NCOR2: variants seen among roughly 807,000 people sequenced by gnomAD.
The protein encoded by NCOR2 is CTG repeat protein 26.
NCOR2 carries 81 observed loss-of-function variants against 262.9 expected under a neutral mutation model. The observed-to-expected ratio is 0.31, with a 90% confidence interval of 0.26 to 0.37. The LOEUF is 0.37. Ranked by LOEUF, NCOR2 falls within the 10% of genes least tolerant of loss-of-function variation. The pLI is 1.00. For missense variants in NCOR2, 3,385 were observed against 3,621.4 expected, an observed-to-expected ratio of 0.93 and a Z score of 1.68; for synonymous variants, 1,659 against 1,559.3, an observed-to-expected ratio of 1.06 and a Z score of -1.51.
intron 14 of NCOR2, among the ~76,000 whole-genome samples, chr12:124,402,201 G>A (rs186451015): frequency 6.6e-6 from 1 of 152,156 alleles, no homozygotes; most frequent in Non-Finnish European, 1.5e-5. Flanking sequence ...CGGAGGAGAG[G>A]GGGGAGCCAG....
intron 1 of NCOR2, among the ~76,000 whole-genome samples, chr12:124,520,361 A>C (rs2050114176): frequency 6.6e-6 from 1 of 152,174 alleles, no homozygotes; most frequent in Admixed American, 6.5e-5. Context: ...CCCCATGCAA[A>C]CACCACCAGG....
chr12:124,399,771 G>A (rs1156643616), intron 15 of NCOR2, among the ~76,000 whole-genome samples: 4 of 152,176 alleles, frequency 2.6e-5, no homozygotes, highest in African/African-American at 7.2e-5. Context: ...GCAGTGGCTG[G>A]AGGGCTGGAC....
chr12:124,358,255 C>G (rs552624414), intron 22 of NCOR2, among the ~76,000 whole-genome samples: 2 of 143,528 alleles, frequency 1.4e-5, no homozygotes, highest in South Asian at 4.3e-4. Flanking sequence ...TGCCTGTACA[C>G]AATGTTGAAG....
At position 124,426,673 on chromosome 12, in the gene NCOR2, C is replaced by T. The variant is rs970975674; in HGVS notation, c.1277G>A (p.Arg426His). 5 of 1,608,314 alleles carry T rather than the reference C, an allele frequency of 3.1e-6. No homozygotes were observed. The highest frequency in any genetic ancestry group is 1.3e-5 in the African/African-American group (1 of 74,856). The change falls in exon 11 of 47, where the codon CGC becomes CAC. Residue 426 changes from arginine to histidine, a missense_variant. Transcript: ENST00000405201. ...CTCACTCCACATGTTCATGACCTGG[C>T]GGTCTTTGTACACCTTCATGGGGTC...
chr12:124,483,293 C>G lies in NCOR2; in HGVS notation c.411+303G>C, dbSNP rs565567125. ...CACCCCAGGCCCTCCCATCCCAGCT[C>G]TCCCCTCCCTCACGCCAGCTACCCC... On this transcript the variant is annotated intron_variant, in intron 3 of 46. Transcript: ENST00000405201. The surrounding 1 kb of genome is among the most constrained non-coding windows in gnomAD (Gnocchi z 6.3). Among the ~76,000 whole-genome samples the G allele has an allele frequency of 2.4e-4, 37 of 152,256 alleles. No individual in the cohort carries two copies. In the South Asian group the frequency reaches 7.5e-3, roughly 31 times the overall value.
intron 13 of NCOR2, among the ~76,000 whole-genome samples, chr12:124,412,422 T>G (rs140457320): frequency 6.6e-6 from 1 of 152,316 alleles, no homozygotes; most frequent in Non-Finnish European, 1.5e-5. Context: ...CTATGAAGCG[T>G]GGCTTTGCAA....
intron 13 of NCOR2, among the ~76,000 whole-genome samples, chr12:124,403,985 G>A (rs576359121): frequency 1.3e-5 from 2 of 152,256 alleles, no homozygotes; most frequent in South Asian, 2.1e-4. Context: ...CAGACCCCCC[G>A]GCCCCCAGGT....
chr12:124,508,532 G>A (rs1052515913), intron 1 of NCOR2, among the ~76,000 whole-genome samples: 10 of 152,166 alleles, frequency 6.6e-5, no homozygotes, highest in African/African-American at 2.2e-4. Flanking sequence ...CAGGCACCAC[G>A]CCGAGGGGAG....
chr12:124,484,414 T>C (rs2047667644), intron 2 of NCOR2, among the ~76,000 whole-genome samples: 1 of 152,184 alleles, frequency 6.6e-6, no homozygotes, highest in South Asian at 2.1e-4. Context: ...GGCATGGCCT[T>C]GCCTAACTAA....
At chr12:124,339,901 A>ACC in intron 37 of NCOR2, 105 bp downstream of exon 39, 2 of 186,868 alleles carry the variant, frequency 1.1e-5, no homozygotes, top group South Asian at 3.5e-5. Flanking sequence ...CTGCCCACCC[A>ACC]CCCACCTCCC....
rs35831183 is a variant in NCOR2, at chr12:124,402,512, GGCTGCTGCT to G, written c.1523_1531del (p.Gln508_Gln510del). 7,010 of 1,459,206 alleles carry G rather than the reference GGCTGCTGCT, an allele frequency of 4.8e-3. 183 individuals carry two copies. The East Asian group carries it at 0.091, about 19-fold the overall frequency. The allele number at this position is 1,459,206 out of a possible 1,614,324, so 90.4% of individuals were successfully genotyped here. On this transcript the variant is annotated inframe_deletion, in exon 14 of 47. Coordinates refer to ENST00000405201, the Ensembl canonical transcript of NCOR2. The stretch of plus-strand genomic sequence containing the variant: ...CTCCTCCTGGCTGCTGCGGGGCATG[GGCTGCTGCT>G]GCTGCTGCTGCTGCTGCTGCTGCTG...
chr12:124,481,575 A>C lies in NCOR2; in HGVS notation c.411+2021T>G, dbSNP rs1007441902. Among the ~76,000 whole-genome samples the C allele has an allele frequency of 2.0e-5, 3 of 152,188 alleles. No homozygotes were observed. The highest frequency in any genetic ancestry group is 7.2e-5 in the African/African-American group (3 of 41,440). On this transcript the variant is annotated intron_variant, in intron 3 of 46. Transcript: ENST00000405201. This position sits in a 1 kb window ranked among gnomAD's most constrained non-coding sequence, Gnocchi z 4.6. ...CTCCTGCGGAGGGCACAGCCGGTGC[A>C]AAGGTCCCCAGGTGGGAATGTGCCT... is the stretch of plus-strand genomic sequence containing the variant.
At chr12:124,453,717 G>A (rs1197642089) in intron 6 of NCOR2, among the ~76,000 whole-genome samples, 2 of 152,224 alleles carry the variant, frequency 1.3e-5, no homozygotes, top group Non-Finnish European at 2.9e-5. Flanking sequence ...CTTGGAACAG[G>A]AAGGAAGCAA....
chr12:124,547,139 GCCA>G (rs1729961035), intron 1 of NCOR2, among the ~76,000 whole-genome samples: 1 of 151,922 alleles, frequency 6.6e-6, no homozygotes, highest in African/African-American at 2.4e-5. Flanking sequence ...ACAGGCACTC[GCCA>G]CCACGACTGG....
chr12:124,372,844 C>T (rs535294434), intron 19 of NCOR2, among the ~76,000 whole-genome samples: 1 of 152,292 alleles, frequency 6.6e-6, no homozygotes, highest in Admixed American at 6.5e-5. Flanking sequence ...CAGACTGACC[C>T]TGCTGGCATA....
intron 1 of NCOR2, among the ~76,000 whole-genome samples, chr12:124,507,197 G>A (rs2049095074): frequency 1.3e-5 from 2 of 152,172 alleles, no homozygotes; most frequent in South Asian, 2.1e-4. Context: ...GGGCTGGGGA[G>A]AGCGAGGAAG....
chr12:124,451,298 A>C (rs2045516471), intron 6 of NCOR2, among the ~76,000 whole-genome samples: 1 of 152,234 alleles, frequency 6.6e-6, no homozygotes, highest in South Asian at 2.1e-4. Flanking sequence ...GCTGCCTTCC[A>C]GACAGGTGAG....
intron 5 of NCOR2, among the ~76,000 whole-genome samples, chr12:124,461,602 C>T (rs893905946): frequency 2.0e-5 from 3 of 152,250 alleles, no homozygotes; most frequent in East Asian, 3.8e-4. Context: ...AAGACATACA[C>T]ACATGTCCAC....
At chr12:124,374,594 C>A in intron 18 of NCOR2, 131 bp from the exon 21 acceptor site, 1 of 833,646 alleles carries the variant, frequency 1.2e-6, no homozygotes, top group South Asian at 1.6e-5. Flanking sequence ...TGCTCGCTCT[C>A]CTGCCCCGAC....
Sources: gnomAD v4.1 joint callset for allele counts (sites outside exome capture counted in the v4.1 genomes callset) on GRCh38, gnomAD v4.1.1 for gene constraint, Gnocchi (gnomAD v3.1) non-coding constraint, MANE v1.5 for transcripts, NCBI Gene and HGNC (gene_info 2026-07-23, HGNC 2026-07-21) for gene names.